The following RASSF5 variants were observed in gnomAD, a reference collection of about 807,000 sequenced individuals.
RASSF5 encodes Ras association domain family member 5.
Under a neutral mutation model 40.5 loss-of-function variants are expected in RASSF5, and 25 were observed. The observed-to-expected ratio is 0.62, with a 90% confidence interval of 0.45 to 0.86. The LOEUF (loss-of-function observed/expected upper bound fraction) is 0.86, where lower values mean the gene tolerates loss of function less well. Ranked by LOEUF, RASSF5 falls within the 40% of genes least tolerant of loss-of-function variation. RASSF5 has a pLI of 0.00. For synonymous variants in RASSF5, 246 were observed against 252.4 expected (o/e 0.97, Z 0.24); for missense variants, 521 against 572.8 (o/e 0.91, Z 0.92).
At chr1:206,576,278 T>G (rs1553405184) in intron 2 of RASSF5, among the ~76,000 whole-genome samples, 2 of 152,182 alleles carry the variant, frequency 1.3e-5, no homozygotes, top group Non-Finnish European at 2.9e-5. Context: ...GTGACGATGG[T>G]AATTTGTACT....
At position 206,587,241 on chromosome 1, in the gene RASSF5, C is replaced by G; in HGVS notation, c.*263C>G. On this transcript the variant is annotated 3_prime_UTR_variant, in exon 6 of 6. Transcript: ENST00000579436. Reference sequence around the variant, plus strand: ...CAAACAGCTGACGTCCTCTCTCGATCTGCAAGCCTTTCACCAACCAAATAG... The same window carrying G: ...CAAACAGCTGACGTCCTCTCTCGATGTGCAAGCCTTTCACCAACCAAATAG... 2.3e-6 allele frequency: 1 copy of G among 428,578 alleles called. No homozygotes were observed. The highest frequency in any genetic ancestry group is 4.3e-6 in the Non-Finnish European group (1 of 230,574). 26.5% of individuals were successfully genotyped at this position (428,578 alleles called of 1,614,324 possible). A position where few individuals can be genotyped will look rare whatever the true frequency, so the allele number is the denominator to read the frequency against.
chr1:206,576,236 G>A (rs1485779196), intron 2 of RASSF5, among the ~76,000 whole-genome samples: 3 of 152,340 alleles, frequency 2.0e-5, no homozygotes, highest in East Asian at 3.9e-4. Context: ...TTGCAGTATG[G>A]ATTTAACATT....
chr1:206,538,796 T>G (rs1553399009), intron 2 of RASSF5, among the ~76,000 whole-genome samples: 1 of 152,246 alleles, frequency 6.6e-6, no homozygotes, highest in African/African-American at 2.4e-5. Context: ...CTGTGATGTA[T>G]CTGAACTTTT....
At position 206,579,168 on chromosome 1, in the gene RASSF5, C is replaced by T. The variant is rs1668772049; in HGVS notation, c.580-4101C>T. 6.6e-6 allele frequency among the ~76,000 whole-genome samples: 1 copy of T among 152,156 alleles called. No homozygotes were observed. The highest frequency in any genetic ancestry group is 1.5e-5 in the Non-Finnish European group (1 of 68,022). ...GCACAAACCTGTTTTTCACCAGTGCCCTGGACATGCCAAGTGCATTGGGAA... is the reference window on the plus strand; with the variant it reads ...GCACAAACCTGTTTTTCACCAGTGCTCTGGACATGCCAAGTGCATTGGGAA... On this transcript the variant is annotated intron_variant, in intron 2 of 5. Transcript: ENST00000579436. This position sits in a 1 kb window ranked among gnomAD's most constrained non-coding sequence, Gnocchi z 4.2.
intron 2 of RASSF5, among the ~76,000 whole-genome samples, chr1:206,563,188 C>T (rs369470953): frequency 6.6e-6 from 1 of 152,126 alleles, no homozygotes; most frequent in African/African-American, 2.4e-5. Context: ...AACTCAGTCA[C>T]GTGGCCACAC....
In RASSF5 at chr1:206,527,284, C is replaced by G. The variant is rs12079876; in HGVS notation, c.458-10888C>G. 9.3e-3 allele frequency among the ~76,000 whole-genome samples: 1,414 copies of G among 152,244 alleles called. 22 individuals are homozygous for G. The highest frequency in any genetic ancestry group is 0.033 in the African/African-American group (1,355 of 41,536). ...AGTGGGTGCGCTCTGGTGCCAATCT[C>G]TGAGGTAGTTGGTTCTGGGAACTTG... On this transcript the variant is annotated intron_variant, in intron 1 of 5. Transcript: ENST00000579436.
chr1:206,521,813 G>A (rs1553396150), intron 1 of RASSF5, among the ~76,000 whole-genome samples: 1 of 152,162 alleles, frequency 6.6e-6, no homozygotes, highest in Admixed American at 6.5e-5. Flanking sequence ...GGGGCCCAGG[G>A]ATGGGTGAGA....
In RASSF5 at chr1:206,552,684, G is replaced by T. The variant is rs1234391315; in HGVS notation, c.579+14391G>T. ...TTGAATCTGATTCTACCATTTACTTGCTTGGGCGAGTTTACTCTGAAACTC... is the reference window on the plus strand; with the variant it reads ...TTGAATCTGATTCTACCATTTACTTTCTTGGGCGAGTTTACTCTGAAACTC... On this transcript the variant is annotated intron_variant, in intron 2 of 5. Coordinates refer to ENST00000579436, the MANE Select transcript of RASSF5 (RefSeq NM_182663.4). The surrounding 1 kb of genome is among the most constrained non-coding windows in gnomAD (Gnocchi z 4.1). Among the ~76,000 whole-genome samples, 2 of 152,182 alleles carry T rather than the reference G, an allele frequency of 1.3e-5. No homozygotes were observed. Among genetic ancestry groups the T allele is most frequent in the African/African-American group, 4.8e-5 (2 of 41,436 alleles).
chr1:206,523,368 T>A (rs1260827367), intron 1 of RASSF5, among the ~76,000 whole-genome samples: 1 of 127,458 alleles, frequency 7.8e-6, no homozygotes, highest in East Asian at 2.0e-4. Context: ...TATTATATAA[T>A]ATAAATATTA....
rs139771713 is a variant in RASSF5 at position 206,552,887 on chromosome 1, C to G, written c.579+14594C>G. Among the ~76,000 whole-genome samples the G allele has an allele frequency of 1.3e-3, 192 of 152,272 alleles. 1 individual carries two copies. The highest frequency in any genetic ancestry group is 3.4e-3 in the Middle Eastern group (1 of 294). On this transcript the variant is annotated intron_variant, in intron 2 of 5. Transcript: ENST00000579436. This position sits in a 1 kb window ranked among gnomAD's most constrained non-coding sequence, Gnocchi z 4.1. ...TTATTCATGCCCAAACTCAGACACT[C>G]AGTCTAGTGCTTGCCTGAAGAAAGT...
chr1:206,574,953 A>G (rs1219231400), intron 2 of RASSF5, among the ~76,000 whole-genome samples: 1 of 142,526 alleles, frequency 7.0e-6, no homozygotes, highest in African/African-American at 2.6e-5. Flanking sequence ...TCTGCCTCCC[A>G]GGTTCAAGCG....
At chr1:206,557,533 C>G in intron 2 of RASSF5, 4 of 1,611,824 alleles carry the variant, frequency 2.5e-6, no homozygotes, top group Non-Finnish European at 3.4e-6. Context: ...AGCCCGGCCC[C>G]CTTGATGCGC....
chr1:206,559,397 A>G (rs555812373), intron 2 of RASSF5, among the ~76,000 whole-genome samples: 1 of 152,238 alleles, frequency 6.6e-6, no homozygotes, highest in African/African-American at 2.4e-5. Flanking sequence ...CGTTTCTGAT[A>G]TTTCTTGGGA....
chr1:206,519,099 C>G (rs1324667022), intron 1 of RASSF5, among the ~76,000 whole-genome samples: 2 of 152,078 alleles, frequency 1.3e-5, no homozygotes, highest in African/African-American at 4.8e-5. Context: ...ACCACTGATT[C>G]CTCTCCTGAG....
At chr1:206,524,404 A>G (rs983207951) in intron 1 of RASSF5, among the ~76,000 whole-genome samples, 2 of 140,752 alleles carry the variant, frequency 1.4e-5, no homozygotes, top group East Asian at 4.0e-4. Context: ...TAGATACCAT[A>G]TGTAATACAT....
intron 2 of RASSF5, chr1:206,544,279 A>G (rs1400842269): frequency 6.6e-6 from 1 of 152,164 alleles, no homozygotes; most frequent in Non-Finnish European, 1.5e-5. Context: ...GGACAAAAGC[A>G]TGAGTATTCT....
At chr1:206,514,017 A>G (rs574747109) in intron 1 of RASSF5, among the ~76,000 whole-genome samples, 69 of 152,364 alleles carry the variant, frequency 4.5e-4, no homozygotes, top group African/African-American at 1.6e-3. Flanking sequence ...GTAGACCCCA[A>G]GAACTCTCCA....
intron 1 of RASSF5, among the ~76,000 whole-genome samples, chr1:206,520,500 G>A (rs1238987390): frequency 2.6e-5 from 4 of 151,966 alleles, no homozygotes; most frequent in Non-Finnish European, 5.9e-5. Flanking sequence ...CCAGCTACTC[G>A]GGAGGCTGAG....
chr1:206,520,672 G>C (rs936249960), intron 1 of RASSF5, among the ~76,000 whole-genome samples: 18 of 151,858 alleles, frequency 1.2e-4, no homozygotes, highest in Non-Finnish European at 2.5e-4. Context: ...CAGGATCCTG[G>C]AGTTACCACT....
Sources: gnomAD v4.1 joint callset for allele counts (sites outside exome capture counted in the v4.1 genomes callset) on GRCh38, gnomAD v4.1.1 for gene constraint, Gnocchi (gnomAD v3.1) non-coding constraint, MANE v1.5 for transcripts, NCBI Gene and HGNC (gene_info 2026-07-23, HGNC 2026-07-21) for gene names.